The following ESRRG variants were observed in gnomAD, a reference collection of about 807,000 sequenced individuals.
ESRRG encodes estrogen-related receptor gamma.
Under a neutral mutation model 44.0 loss-of-function variants are expected in ESRRG, and 13 were observed. The ratio of observed to expected loss-of-function variants is 0.30; its 90% CI spans 0.19 to 0.47. The LOEUF is 0.47. Ranked by LOEUF, ESRRG falls within the 20% of genes least tolerant of loss-of-function variation. The pLI is 1.00. For missense variants in ESRRG, 395 were observed against 580.6 expected (o/e 0.68, Z 3.29); for synonymous variants, 215 against 214.6 (o/e 1.00, Z -0.02).
At chr1:217,076,921 G>A (rs1015368099) in intron 1 of ESRRG, 2 of 152,198 alleles carry the variant, frequency 1.3e-5, no homozygotes, top group Non-Finnish European at 2.9e-5. Context: ...TGGAAGCACA[G>A]AGTGGGACCT....
At chr1:216,553,287 G>C (rs2056828486) in intron 5 of ESRRG, among the ~76,000 whole-genome samples, 2 of 152,120 alleles carry the variant, frequency 1.3e-5, no homozygotes, top group Non-Finnish European at 2.9e-5. Flanking sequence ...CCTAATGTAG[G>C]TTAAGCAGGT....
At chr1:216,514,148 C>A (rs2043502035) in intron 6 of ESRRG, among the ~76,000 whole-genome samples, 1 of 151,966 alleles carries the variant, frequency 6.6e-6, no homozygotes, top group African/African-American at 2.4e-5. Context: ...TATTTAAGAG[C>A]CAGCTTTTAT....
At position 216,677,344 on chromosome 1, in the gene ESRRG, G is replaced by A. The variant is rs754524151; in HGVS notation, c.204C>T (p.Tyr68=). 7 of 1,614,062 alleles carry A rather than the reference G, an allele frequency of 4.3e-6. No homozygotes were observed. Among genetic ancestry groups the A allele is most frequent in the Non-Finnish European group, 5.9e-6 (7 of 1,180,046 alleles). Reference sequence around the variant, plus strand: ...TCTGATGGCCATTCATGGTTGAACTGTAGCTCCCACTGGCGTCTGAAGAGC... The same window carrying A: ...TCTGATGGCCATTCATGGTTGAACTATAGCTCCCACTGGCGTCTGAAGAGC... ...PGGSSDASGS[Y]SSTMNGHQNG... Residue 68 remains tyrosine (Y), a synonymous_variant, in exon 2 of 7, where the codon TAC becomes TAT. Coordinates refer to ENST00000408911, the MANE Select transcript of ESRRG (RefSeq NM_001438.4).
At chr1:216,921,681 T>G (rs2061871189) in intron 2 of ESRRG, among the ~76,000 whole-genome samples, 1 of 152,182 alleles carries the variant, frequency 6.6e-6, no homozygotes, top group Non-Finnish European at 1.5e-5. Flanking sequence ...ACTCTCCTGC[T>G]TTCTCTCCAT....
At chr1:216,746,455 G>T (rs1173403852) in intron 2 of ESRRG, among the ~76,000 whole-genome samples, 2 of 152,122 alleles carry the variant, frequency 1.3e-5, no homozygotes, top group Non-Finnish European at 2.9e-5. Flanking sequence ...ATCCCAAATA[G>T]TATGACATCC....
intron 3 of ESRRG, among the ~76,000 whole-genome samples, chr1:216,617,215 G>A (rs2061536848): frequency 6.6e-6 from 1 of 152,086 alleles, no homozygotes; most frequent in Non-Finnish European, 1.5e-5. Context: ...CAGAACAGAA[G>A]GCATGAGTGG....
At chr1:216,976,156 G>A (rs2072835493) in intron 1 of ESRRG, among the ~76,000 whole-genome samples, 1 of 151,730 alleles carries the variant, frequency 6.6e-6, no homozygotes, top group African/African-American at 2.4e-5. Context: ...CAAAAAGTTT[G>A]AAAAAAATTG....
intron 3 of ESRRG, among the ~76,000 whole-genome samples, chr1:216,599,409 T>C (rs1423062174): frequency 6.6e-6 from 1 of 152,206 alleles, no homozygotes; most frequent in East Asian, 1.9e-4. Context: ...GTGTTTATTA[T>C]GCTTAATGCT....
chr1:216,893,496 TA>T (rs1352541526), intron 2 of ESRRG, among the ~76,000 whole-genome samples: 1 of 152,168 alleles, frequency 6.6e-6, no homozygotes, highest in Non-Finnish European at 1.5e-5. Context: ...ATGTTGCTAT[TA>T]AAGAAATATT....
chr1:216,719,131 G>A (rs55843945), intron 1 of ESRRG, among the ~76,000 whole-genome samples: 22,103 of 151,918 alleles, frequency 0.15, 1,668 homozygotes, highest in East Asian at 0.2. Context: ...TAAGTGATAC[G>A]GACTTGAGAT....
At chr1:216,686,485 A>G (rs984836331) in intron 1 of ESRRG, among the ~76,000 whole-genome samples, 3 of 151,424 alleles carry the variant, frequency 2.0e-5, no homozygotes, top group Non-Finnish European at 4.4e-5. Flanking sequence ...CAGCAGAAAC[A>G]TAGCATCCAG....
chr1:216,601,224 C>T (rs1288426476), intron 3 of ESRRG, among the ~76,000 whole-genome samples: 1 of 152,024 alleles, frequency 6.6e-6, no homozygotes, highest in African/African-American at 2.4e-5. Context: ...GTGGAAAGGA[C>T]GCCCCGTGAA....
chr1:217,115,093 C>T (rs1377051306), intron 1 of ESRRG, among the ~76,000 whole-genome samples: 1 of 152,096 alleles, frequency 6.6e-6, no homozygotes, highest in African/African-American at 2.4e-5. Flanking sequence ...TGCTACTCCT[C>T]CCTTTAAAAA....
chr1:216,852,935 C>G (rs11117708), intron 2 of ESRRG, among the ~76,000 whole-genome samples: 1 of 152,076 alleles, frequency 6.6e-6, no homozygotes, highest in Non-Finnish European at 1.5e-5. Context: ...TCCCGGGAAA[C>G]CTAATATGCA....
At chr1:216,641,600 C>T (rs2066440278) in intron 3 of ESRRG, among the ~76,000 whole-genome samples, 1 of 152,220 alleles carries the variant, frequency 6.6e-6, no homozygotes. Context: ...TTTCTAAAAA[C>T]TCAGCCAGAG....
intron 1 of ESRRG, among the ~76,000 whole-genome samples, chr1:217,033,609 T>TAAAAGC (rs752048791): frequency 2.6e-4 from 39 of 152,210 alleles, no homozygotes; most frequent in Admixed American, 5.2e-4. Flanking sequence ...GAAATTGTAT[T>TAAAAGC]CTTTAAAAGG....
rs1302508485 is a variant in ESRRG, at chr1:216,504,180, GA to G, written c.*2758del. 2.0e-5 allele frequency: 3 copies of G among 152,248 alleles called. No individual in the cohort carries two copies. The highest frequency in any genetic ancestry group is 6.6e-5 in the Admixed American group (1 of 15,264). The allele number at this position is 152,248 out of a possible 1,614,324, so 9.4% of individuals were successfully genotyped here. A position where few individuals can be genotyped will look rare whatever the true frequency, so the allele number is the denominator to read the frequency against. On this transcript the variant is annotated 3_prime_UTR_variant, in exon 7 of 7. Coordinates refer to ENST00000408911, the MANE Select transcript of ESRRG (RefSeq NM_001438.4). ...CCCAAGTACTTTAATGTGATACAGT[GA>G]AAACAATGTATATATTGTATATATT...
At chr1:217,071,017 T>A (rs2090485644) in intron 1 of ESRRG, among the ~76,000 whole-genome samples, 1 of 152,148 alleles carries the variant, frequency 6.6e-6, no homozygotes, top group Non-Finnish European at 1.5e-5. Context: ...CTCTCCACTT[T>A]CTCTTCTTCC....
rs200722273 is a variant in ESRRG, at chr1:216,912,227, A to G, written c.-14+27355T>C. Among the ~76,000 whole-genome samples, 344 of 49,884 alleles carry G rather than the reference A, an allele frequency of 6.9e-3. 3 individuals carry two copies. The highest frequency in any genetic ancestry group is 0.049 in the South Asian group (35 of 718). The allele number at this position is 49,884 out of a possible 152,430, so 32.7% of individuals were successfully genotyped here. On this transcript the variant is annotated intron_variant, in intron 2 of 7. Coordinates refer to the ESRRG transcript ENST00000359162. The stretch of plus-strand genomic sequence containing the variant: ...AGAGGAGAGGAGAGGAGAGGAGAGG[A>G]GAGGAGAGGAGAGGAGAGGAGAGGA...
Sources: gnomAD v4.1 joint callset for allele counts (sites outside exome capture counted in the v4.1 genomes callset) on GRCh38, gnomAD v4.1.1 for gene constraint, MANE v1.5 for transcripts, NCBI Gene and HGNC (gene_info 2026-07-23, HGNC 2026-07-21) for gene names.